PI4KA: variants seen among roughly 807,000 people sequenced by gnomAD.
PI4KA encodes phosphatidylinositol 4-kinase alpha.
A neutral mutation model predicts 271.4 loss-of-function variants in PI4KA; 122 were observed. The ratio of observed to expected loss-of-function variants is 0.45; its 90% CI spans 0.39 to 0.52. The LOEUF (loss-of-function observed/expected upper bound fraction) is 0.52. Ranked by LOEUF, PI4KA falls within the 20% of genes least tolerant of loss-of-function variation. The pLI is 0.00. For synonymous variants in PI4KA, 1,041 were observed against 1,078.8 expected (o/e 0.96, Z 0.69); for missense variants, 1,969 against 2,769.1 (o/e 0.71, Z 6.48).
rs1328947583 is a variant in PI4KA, at chr22:20,858,671, A to AGCC, written c.52_54dup (p.Gly18dup). The AGCC allele has an allele frequency of 1.2e-5, 18 of 1,469,900 alleles. No homozygotes were observed. Among genetic ancestry groups the AGCC allele is most frequent in the South Asian group, 2.6e-5 (2 of 77,912 alleles). The allele number at this position is 1,469,900 out of a possible 1,614,324, so 91.1% of individuals were successfully genotyped here. ...GAGGCGCTGGAGCCGGAGCCGGAGC[A>AGCC]GCCGCCGCCGCCTCCGCCTCCGCCT... On this transcript the variant is annotated inframe_insertion, in exon 1 of 55. Coordinates refer to ENST00000255882, the MANE Select transcript of PI4KA (RefSeq NM_058004.4).
chr22:20,726,513 A>G lies in PI4KA; in HGVS notation c.4970T>C (p.Ile1657Thr), dbSNP rs564432902. Residue 1657 changes from isoleucine to threonine, a missense_variant, in exon 42 of 55, where the codon ATT becomes ACT. Physicochemically the swap from Ile to Thr is moderately conservative, Grantham distance 89 (BLOSUM62 -1). This residue lies in a region of PI4KA where 388 missense variants were observed against 521.5 expected (regional missense o/e 0.74). Transcript: ENST00000255882. ...CTTGTCGTACCTGAGGGCCTGCACA[A>G]TCTGGGGGATGTAGAAGAGGATGGC... ...PDAILFYIPQ[I>T]VQALRYDKMG... 237 of 1,579,736 alleles carry G rather than the reference A, an allele frequency of 1.5e-4. No individual in the cohort carries two copies. Among genetic ancestry groups the G allele is most frequent in the Non-Finnish European group, 1.9e-4 (227 of 1,167,006 alleles).
chr22:20,858,027 A>T (rs1443689445), intron 1 of PI4KA, among the ~76,000 whole-genome samples: 1 of 152,184 alleles, frequency 6.6e-6, no homozygotes, highest in Non-Finnish European at 1.5e-5. Context: ...CTCGTAGAAT[A>T]ACACTGCGCA....
chr22:20,783,002 C>T (rs1933917125), intron 19 of PI4KA, among the ~76,000 whole-genome samples: 2 of 152,150 alleles, frequency 1.3e-5, no homozygotes, highest in Non-Finnish European at 2.9e-5. Context: ...CTTTGTGCCT[C>T]TGTTTCCTCA....
intron 19 of PI4KA, among the ~76,000 whole-genome samples, chr22:20,774,758 C>CAAAAAAAAAAAAAAAAAAAAGA: frequency 9.3e-6 from 1 of 107,370 alleles, no homozygotes; most frequent in Non-Finnish European, 2.0e-5. Flanking sequence ...TAGACTCCGT[C>CAAAAAAAAAAAAAAAAAAAAGA]AAAAAAAAAA....
chr22:20,858,696 T>G lies in PI4KA; in HGVS notation c.30A>C (p.Gly10=), dbSNP rs1282178042. 6.8e-7 allele frequency: 1 copy of G among 1,467,430 alleles called. No homozygotes were observed. Among genetic ancestry groups the G allele is most frequent in the Non-Finnish European group, 9.0e-7 (1 of 1,114,612 alleles). 90.9% of individuals were successfully genotyped at this position (1,467,430 alleles called of 1,614,324 possible). MAAAPARGG[G]GGGGGGGGCS... The stretch of plus-strand genomic sequence containing the variant: ...AGCCGCCGCCGCCTCCGCCTCCGCC[T>G]CCGCCTCCCCGGGCCGGGGCCGCCG... Residue 10 remains glycine, a synonymous_variant, in exon 1 of 55, where the codon GGA becomes GGC. Coordinates refer to ENST00000255882, the MANE Select transcript of PI4KA (RefSeq NM_058004.4).
intron 32 of PI4KA, among the ~76,000 whole-genome samples, chr22:20,740,702 T>A (rs1290422426): frequency 6.6e-6 from 1 of 152,182 alleles, no homozygotes; most frequent in Non-Finnish European, 1.5e-5. Context: ...GGTTCCAGGA[T>A]GTGGAACCCA....
chr22:20,837,387 A>AATAG (rs361723), intron 2 of PI4KA, among the ~76,000 whole-genome samples: 72,531 of 151,760 alleles, frequency 0.48, 17,704 homozygotes, highest in African/African-American at 0.56. Flanking sequence ...TAAATAAATA[A>AATAG]ATAGCAGAAG....
chr22:20,784,172 T>G lies in PI4KA; in HGVS notation c.2328+9021A>C. ...GCTAATTGTGGTCCCACACAAGATG[T>G]CTGGGATGAAGACCCTCGAAGCGCA... On this transcript the variant is annotated intron_variant, in intron 19 of 54. Transcript: ENST00000255882. 1 of 1,614,152 alleles carries G rather than the reference T, an allele frequency of 6.2e-7. No homozygotes were observed. Among genetic ancestry groups the G allele is most frequent in the Non-Finnish European group, 8.5e-7 (1 of 1,180,024 alleles).
At chr22:20,771,876 C>G (rs2147436738) in intron 19 of PI4KA, among the ~76,000 whole-genome samples, 1 of 152,212 alleles carries the variant, frequency 6.6e-6, no homozygotes, top group African/African-American at 2.4e-5. Context: ...GCCACCACAC[C>G]TGGCCGGTAC....
chr22:20,793,403 C>CATA (rs1338071101), intron 18 of PI4KA, 160 bp from the exon 19 acceptor site: 1 of 502,434 alleles, frequency 2.0e-6, no homozygotes, highest in Non-Finnish European at 3.6e-6. Flanking sequence ...GCTCATCCAG[C>CATA]ATAATTTTAA....
chr22:20,766,605 C>A (rs1246650250), intron 19 of PI4KA, among the ~76,000 whole-genome samples: 1 of 152,174 alleles, frequency 6.6e-6, no homozygotes, highest in Non-Finnish European at 1.5e-5. Flanking sequence ...ACAGAGGTTG[C>A]AGTGAGCCAA....
rs993897445 is a variant in PI4KA at position 20,813,388 on chromosome 22, T to C, written c.975A>G (p.Pro325=). 9 of 1,613,778 alleles carry C rather than the reference T, an allele frequency of 5.6e-6. No individual in the cohort carries two copies. The highest frequency in any genetic ancestry group is 7.6e-6 in the Non-Finnish European group (9 of 1,179,680). ...NGVTYKEFNI[P]LEMLRELLNL... ...TTAAGAGTTCCCGAAGCATTTCCAA[T>C]GGAATGTTAAACTCCTTATATGTGA... The change falls in exon 8 of 55, where the codon CCA becomes CCG. Residue 325 remains proline, a synonymous_variant. Transcript: ENST00000255882.
In PI4KA at chr22:20,807,417, G is replaced by A; in HGVS notation, c.1113C>T (p.Asp371=). ...TCTTGAACATGGTCAGGTAGAGAGG[G>A]TCACTGAAGGAAGTGTAGTAGAGAT... ...SADLYYTSFS[D]PLYLTMFKML... Residue 371 remains aspartate, a synonymous_variant, in exon 10 of 55, where the codon GAC becomes GAT. Transcript: ENST00000255882. The A allele has an allele frequency of 6.2e-7, 1 of 1,613,458 alleles. No homozygotes were observed. Among genetic ancestry groups the A allele is most frequent in the African/African-American group, 1.3e-5 (1 of 75,024 alleles).
chr22:20,713,671 T>A (rs546932958), intron 47 of PI4KA, among the ~76,000 whole-genome samples: 275 of 152,294 alleles, frequency 1.8e-3, no homozygotes, highest in African/African-American at 6.6e-3. Context: ...TGTGCCTGGG[T>A]CAGTGTTGGG....
intron 35 of PI4KA, among the ~76,000 whole-genome samples, chr22:20,733,521 C>G (rs1003361199): frequency 6.7e-6 from 1 of 149,782 alleles, no homozygotes; most frequent in Admixed American, 6.7e-5. Flanking sequence ...TTGCCTACAT[C>G]TCGCTGGGAG....
chr22:20,847,977 C>T (rs1926476763), intron 1 of PI4KA, among the ~76,000 whole-genome samples: 2 of 152,116 alleles, frequency 1.3e-5, no homozygotes, highest in Non-Finnish European at 2.9e-5. Flanking sequence ...GTGGCTCACG[C>T]CTATAATCCC....
intron 23 of PI4KA, among the ~76,000 whole-genome samples, chr22:20,758,621 C>T (rs577836027): frequency 6.0e-4 from 92 of 152,134 alleles, no homozygotes; most frequent in African/African-American, 2.2e-3. Context: ...ACTACATGGA[C>T]AAATGCAAGG....
chr22:20,829,089 C>A (rs926082896), intron 3 of PI4KA, among the ~76,000 whole-genome samples: 2 of 152,068 alleles, frequency 1.3e-5, no homozygotes, highest in Non-Finnish European at 2.9e-5. Context: ...AGGATGTTTG[C>A]ATCTATGTTC....
At chr22:20,748,667 C>T (rs923654981) in intron 28 of PI4KA, among the ~76,000 whole-genome samples, 3 of 152,190 alleles carry the variant, frequency 2.0e-5, no homozygotes, top group African/African-American at 4.8e-5. Context: ...AAGAAATGTA[C>T]AGGAGTATAT....
Sources: allele counts gnomAD v4.1 joint callset (sites outside exome capture counted in the v4.1 genomes callset), GRCh38; gene constraint gnomAD v4.1.1; regional missense constraint gnomAD v4.1.1; transcripts MANE v1.5; gene names NCBI Gene and HGNC (gene_info 2026-07-23, HGNC 2026-07-21).